Variants in STRBP observed in about 807,000 individuals in gnomAD.
STRBP encodes the protein spermatid perinuclear RNA-binding protein.
In STRBP, 13 loss-of-function variants were observed where a neutral mutation model predicts 80.1. The ratio of observed to expected loss-of-function variants is 0.16; its 90% CI spans 0.11 to 0.26. The LOEUF (loss-of-function observed/expected upper bound fraction) is 0.26. Among genes scored for constraint, STRBP ranks in the 10% least tolerant of loss-of-function variants. The probability of loss-of-function intolerance (pLI) is 1.00; values close to 1 mark genes in which losing one functional copy is unlikely to be tolerated. For synonymous variants in STRBP, 284 were observed against 291.2 expected, an observed-to-expected ratio of 0.98 and a Z score of 0.25; for missense variants, 485 against 815.2, an observed-to-expected ratio of 0.59 and a Z score of 4.93.
intron 13 of STRBP, among the ~76,000 whole-genome samples, chr9:123,143,287 TG>T (rs1333337533): frequency 6.6e-6 from 1 of 152,192 alleles, no homozygotes; most frequent in Non-Finnish European, 1.5e-5. Context: ...GTATCCTTTG[TG>T]GGGGGCTGCC....
chr9:123,159,052 T>G, intron 9 of STRBP, 44 bp downstream of exon 9: 116 of 1,457,436 alleles, frequency 8.0e-5, no homozygotes, highest in Non-Finnish European at 1.1e-4. Flanking sequence ...TAAACTAAAC[T>G]GAGATTTGCT....
chr9:123,128,421 C>CTG (rs1334528538), intron 17 of STRBP, among the ~76,000 whole-genome samples, 163 bp from the exon 18 acceptor site: 2 of 152,188 alleles, frequency 1.3e-5, no homozygotes, highest in African/African-American at 4.8e-5. Context: ...TAGCCACTCT[C>CTG]TGTGTGCCTG....
intron 2 of STRBP, among the ~76,000 whole-genome samples, chr9:123,187,624 A>T (rs2038750008): frequency 6.6e-6 from 1 of 152,238 alleles, no homozygotes; most frequent in African/African-American, 2.4e-5. Context: ...CATTATATAT[A>T]AAGGAATGTG....
At chr9:123,243,263 G>GACAAAAAAAAAAAAAAAAAAAAAAAAAA (rs2040733241) in intron 1 of STRBP, among the ~76,000 whole-genome samples, 1 of 20,352 alleles carries the variant, frequency 4.9e-5, no homozygotes, top group Non-Finnish European at 9.4e-5. Context: ...ACATCAATAA[G>GACAAAAAAAAAAAAAAAAAAAAAAAAAA]ACAAAAAAAA....
chr9:123,223,130 A>G (rs1438685142), intron 2 of STRBP, among the ~76,000 whole-genome samples: 3 of 152,174 alleles, frequency 2.0e-5, no homozygotes, highest in Non-Finnish European at 4.4e-5. Context: ...GCTATGTAAT[A>G]TATTATTCCA....
chr9:123,258,800 CAAAA>C (rs56654612), intron 1 of STRBP, among the ~76,000 whole-genome samples: 3 of 101,074 alleles, frequency 3.0e-5, no homozygotes, highest in Admixed American at 9.7e-5. Flanking sequence ...GACTCCGTCT[CAAAA>C]AAAAAAAAAA....
At chr9:123,239,348 C>T (rs1451867195) in intron 1 of STRBP, among the ~76,000 whole-genome samples, 1 of 151,874 alleles carries the variant, frequency 6.6e-6, no homozygotes, top group Non-Finnish European at 1.5e-5. Flanking sequence ...GCACTCTGGC[C>T]TGGGTGACAG....
At position 123,246,660 on chromosome 9, in the gene STRBP, C is replaced by T. The variant is rs943859771; in HGVS notation, c.-301-9694G>A. Among the ~76,000 whole-genome samples the T allele has an allele frequency of 6.6e-5, 10 of 152,116 alleles. No individual in the cohort carries two copies. The South Asian group carries it at 1.2e-3, about 19-fold the overall frequency. On this transcript the variant is annotated intron_variant, in intron 1 of 18. Coordinates refer to ENST00000348403, the MANE Select transcript of STRBP (RefSeq NM_018387.5). ...GCTTAAAACATTAAAGTGATAAGGC[C>T]ATTTTTAAATATGTGTAATCTTTTT...
chr9:123,222,189 T>C (rs1275502596), intron 2 of STRBP, among the ~76,000 whole-genome samples: 4 of 151,964 alleles, frequency 2.6e-5, no homozygotes, highest in Non-Finnish European at 5.9e-5. Flanking sequence ...TTTTTTTTTT[T>C]CCACTCAATG....
chr9:123,264,431 C>A (rs1050044818), intron 1 of STRBP, among the ~76,000 whole-genome samples: 1 of 152,222 alleles, frequency 6.6e-6, no homozygotes, highest in East Asian at 1.9e-4. Flanking sequence ...AACTTTCACA[C>A]AACAAATTAA....
chr9:123,237,686 C>T (rs182026116), intron 1 of STRBP, among the ~76,000 whole-genome samples: 2 of 152,032 alleles, frequency 1.3e-5, no homozygotes, highest in Admixed American at 1.3e-4. Flanking sequence ...AACTACTGTG[C>T]GCTGAATTCT....
chr9:123,168,363 T>C, intron 6 of STRBP: 2 of 188,958 alleles, frequency 1.1e-5, no homozygotes, highest in Non-Finnish European at 2.0e-5. Context: ...AATTATAGAT[T>C]GGATGCCCTT....
At chr9:123,144,765 C>T (rs1161765039) in intron 13 of STRBP, among the ~76,000 whole-genome samples, 1 of 152,050 alleles carries the variant, frequency 6.6e-6, no homozygotes, top group Admixed American at 6.6e-5. Flanking sequence ...TCTATGAAGA[C>T]CTTAGGGAGA....
chr9:123,237,457 G>A (rs1166987822), intron 1 of STRBP, among the ~76,000 whole-genome samples: 5 of 152,064 alleles, frequency 3.3e-5, no homozygotes, highest in African/African-American at 9.7e-5. Flanking sequence ...ATCCCCTGCA[G>A]CTAGATGAGG....
intron 2 of STRBP, among the ~76,000 whole-genome samples, chr9:123,231,545 A>G (rs1054702942): frequency 1.3e-5 from 2 of 152,216 alleles, no homozygotes; most frequent in Admixed American, 1.3e-4. Flanking sequence ...TATCTTGGCT[A>G]GTATACCAAT....
chr9:123,184,346 G>C, intron 2 of STRBP, 48 bp from the exon 3 acceptor site: 2 of 438,418 alleles, frequency 4.6e-6, no homozygotes, highest in Non-Finnish European at 8.2e-6. Context: ...TTTACTATTA[G>C]CTTCCAATAT....
At chr9:123,197,240 G>A (rs1089997) in intron 2 of STRBP, among the ~76,000 whole-genome samples, 147,407 of 152,288 alleles carry the variant, frequency 0.97, 71,518 homozygotes, top group East Asian at 1. Flanking sequence ...ATCAGAGGCC[G>A]AGAGGGTGGG....
In STRBP at chr9:123,110,434, TGAA is replaced by T. The variant is rs1021018776; in HGVS notation, c.*85-684_*85-682del. The T allele has an allele frequency of 5.9e-6, 1 of 169,106 alleles. No individual in the cohort carries two copies. Among genetic ancestry groups the T allele is most frequent in the African/African-American group, 2.4e-5 (1 of 41,504 alleles). The allele number at this position is 169,106 out of a possible 1,614,324, so 10.5% of individuals were successfully genotyped here. A position where few individuals can be genotyped will look rare whatever the true frequency, so the allele number is the denominator to read the frequency against. On this transcript the variant is annotated intron_variant and NMD_transcript_variant, in intron 3 of 3. Coordinates refer to the STRBP transcript ENST00000471564. The surrounding 1 kb of genome is among the most constrained non-coding windows in gnomAD (Gnocchi z 4.1). The stretch of plus-strand genomic sequence containing the variant: ...ATGGTTACCTCAGGAAACCTTCTTT[TGAA>T]GAAGTGGCTGGGACCAACCAACCAC...
intron 2 of STRBP, among the ~76,000 whole-genome samples, chr9:123,221,865 A>G (rs1158701910): frequency 2.0e-5 from 3 of 152,024 alleles, no homozygotes; most frequent in Non-Finnish European, 4.4e-5. Context: ...TCTATATTGT[A>G]AAATTATTTT....
Sources: allele counts gnomAD v4.1 joint callset (sites outside exome capture counted in the v4.1 genomes callset), GRCh38; gene constraint gnomAD v4.1.1; non-coding constraint Gnocchi (gnomAD v3.1); transcripts MANE v1.5; gene names NCBI Gene and HGNC (gene_info 2026-07-23, HGNC 2026-07-21).